DPP9: variants seen among roughly 807,000 people sequenced by gnomAD.
The protein encoded by DPP9 is dipeptidyl peptidase IV-related protein-2.
A neutral mutation model predicts 110.7 loss-of-function variants in DPP9; 50 were observed. The ratio of observed to expected loss-of-function variants is 0.45; its 90% CI spans 0.36 to 0.57. The LOEUF (loss-of-function observed/expected upper bound fraction) is 0.57, where lower values mean the gene tolerates loss of function less well. Ranked by LOEUF, DPP9 falls within the 20% of genes least tolerant of loss-of-function variation. The pLI is 0.00. For synonymous variants in DPP9, 561 were observed against 514.4 expected (o/e 1.09, Z -1.23); for missense variants, 1,022 against 1,217.9 (o/e 0.84, Z 2.39).
chr19:4,716,300 G>T (rs1186655896), intron 3 of DPP9: 1 of 152,432 alleles, frequency 6.6e-6, no homozygotes, highest in Non-Finnish European at 1.5e-5. Context: ...CTTTGAGAGG[G>T]AAGGGGAGAA....
At chr19:4,678,253 C>A (rs2089190922) in intron 21 of DPP9, among the ~76,000 whole-genome samples, 1 of 152,200 alleles carries the variant, frequency 6.6e-6, no homozygotes, top group Non-Finnish European at 1.5e-5. Context: ...GCTGGGACTA[C>A]AGGCGTGTGC....
chr19:4,699,704 T>C (rs1377685961), intron 10 of DPP9, among the ~76,000 whole-genome samples: 1 of 149,896 alleles, frequency 6.7e-6, no homozygotes, highest in Admixed American at 6.7e-5. Context: ...TCTGAGGAGG[T>C]CGGGGGGATG....
intron 3 of DPP9, among the ~76,000 whole-genome samples, chr19:4,715,072 T>G (rs2093018979): frequency 7.9e-6 from 1 of 126,906 alleles, no homozygotes; most frequent in African/African-American, 2.9e-5. Context: ...AAGGCTGGAG[T>G]GCAGTGGCGT....
In DPP9 at chr19:4,679,993, G is replaced by T. The variant is rs749539125; in HGVS notation, c.2475-47C>A. Reference sequence around the variant, plus strand: ...GTCTGAGGCCAGGGATTGTCCGTGGGGTAGGAGGGGAGCAGATCACAAGGT... The same window carrying T: ...GTCTGAGGCCAGGGATTGTCCGTGGTGTAGGAGGGGAGCAGATCACAAGGT... On this transcript the variant is annotated intron_variant, in intron 20 of 21. Coordinates refer to ENST00000262960, the MANE Select transcript of DPP9 (RefSeq NM_139159.5). 34 of 1,398,004 alleles carry T rather than the reference G, an allele frequency of 2.4e-5. No individual in the cohort carries two copies. In the East Asian group the frequency reaches 8.0e-4, roughly 33 times the overall value. 86.6% of individuals were successfully genotyped at this position (1,398,004 alleles called of 1,614,324 possible).
intron 3 of DPP9, among the ~76,000 whole-genome samples, chr19:4,716,773 A>G (rs1002979904): frequency 2.0e-5 from 3 of 152,198 alleles, no homozygotes; most frequent in African/African-American, 7.2e-5. Flanking sequence ...CTTGCTCCCA[A>G]TCAGAGCCGA....
chr19:4,718,266 G>A lies in DPP9; in HGVS notation c.56+1585C>T, dbSNP rs1273191755. 2.0e-5 allele frequency among the ~76,000 whole-genome samples: 3 copies of A among 152,126 alleles called. No individual in the cohort carries two copies. The highest frequency in any genetic ancestry group is 2.9e-5 in the Non-Finnish European group (2 of 68,028). Reference sequence around the variant, plus strand: ...GTGTCTGAGCTGGTGCTTTGGTGGCGAGCGGGGGCGGGGGAGTAGTTGGAG... The same window carrying A: ...GTGTCTGAGCTGGTGCTTTGGTGGCAAGCGGGGGCGGGGGAGTAGTTGGAG... On this transcript the variant is annotated intron_variant, in intron 3 of 21. Transcript: ENST00000262960. This position sits in a 1 kb window ranked among gnomAD's most constrained non-coding sequence, Gnocchi z 4.3.
In DPP9 at chr19:4,684,870, G is replaced by T. The variant is rs376780567; in HGVS notation, c.2032-61C>A. ...ATGCCGGGCAGGACGGGCCTGGCAGGGGAGATGCCGGTGGGCTGGGGACCG... is the reference window on the plus strand; with the variant it reads ...ATGCCGGGCAGGACGGGCCTGGCAGTGGAGATGCCGGTGGGCTGGGGACCG... On this transcript the variant is annotated intron_variant, in intron 17 of 21. Transcript: ENST00000262960. This position sits in a 1 kb window ranked among gnomAD's most constrained non-coding sequence, Gnocchi z 4.8. The T allele has an allele frequency of 1.8e-5, 28 of 1,552,780 alleles. No individual in the cohort carries two copies. The highest frequency in any genetic ancestry group is 1.5e-4 in the South Asian group (13 of 84,230).
At chr19:4,686,016 G>A (rs1263118155) in intron 16 of DPP9, 3 of 445,798 alleles carry the variant, frequency 6.7e-6, no homozygotes, top group Non-Finnish European at 1.2e-5. Context: ...GGCCTCAAGC[G>A]ATCCTCCCAC....
intron 4 of DPP9, among the ~76,000 whole-genome samples, chr19:4,713,208 TGCCTTTGGTCCCCA>T (rs2092914954): frequency 6.6e-6 from 1 of 152,210 alleles, no homozygotes. Context: ...GGAGAGACGC[TGCCTTTGGTCCCCA>T]GCCATGTGTC....
intron 1 of DPP9, 113 bp from the exon 2 acceptor site, chr19:4,722,664 G>C: frequency 1.5e-6 from 1 of 675,580 alleles, no homozygotes; most frequent in South Asian, 1.6e-5. Flanking sequence ...TACCTGGCTA[G>C]ATTCTAGCTC....
chr19:4,722,607 C>T, intron 1 of DPP9, 56 bp from the exon 2 acceptor site: 5 of 701,354 alleles, frequency 7.1e-6, no homozygotes, highest in Admixed American at 4.0e-5. Flanking sequence ...ACCGGCCAGC[C>T]GTTCAGCCTC....
At chr19:4,688,623 G>C (rs2091019588) in intron 16 of DPP9, 134 bp downstream of exon 16, 1 of 1,135,784 alleles carries the variant, frequency 8.8e-7, no homozygotes, top group Non-Finnish European at 1.2e-6. Context: ...CAGATGCTTG[G>C]AGGGGCCTGG....
In DPP9 at chr19:4,685,842, C is replaced by A; in HGVS notation, c.1886-71G>T. On this transcript the variant is annotated intron_variant, in intron 16 of 21. Transcript: ENST00000262960. The surrounding 1 kb of genome is among the most constrained non-coding windows in gnomAD (Gnocchi z 5.8). The stretch of plus-strand genomic sequence containing the variant: ...CCAGCTGACACCCTTGTTCTCCTGC[C>A]CACCCCAAGCCTTGGAGGGTGGACC... 6.4e-7 allele frequency: 1 copy of A among 1,560,184 alleles called. No individual in the cohort carries two copies. Among genetic ancestry groups the A allele is most frequent in the South Asian group, 1.2e-5 (1 of 85,784 alleles).
chr19:4,680,235 CAAAAAAA>C (rs71168922), intron 20 of DPP9, among the ~76,000 whole-genome samples: 5 of 70,872 alleles, frequency 7.1e-5, no homozygotes, highest in African/African-American at 2.5e-4. Flanking sequence ...GACAGCATCT[CAAAAAAA>C]AAAAAAAAAA....
At chr19:4,709,111 G>A (rs1031005588) in intron 4 of DPP9, among the ~76,000 whole-genome samples, 2 of 152,020 alleles carry the variant, frequency 1.3e-5, no homozygotes, top group African/African-American at 4.8e-5. Context: ...TAGAGACAGG[G>A]GTTTCACTAT....
Position 4,697,578 on chromosome 19 carries a change from C to T in DPP9, c.1148G>A (p.Arg383Lys). 1.9e-6 allele frequency: 3 copies of T among 1,613,908 alleles called. No individual in the cohort carries two copies. Among genetic ancestry groups the T allele is most frequent in the South Asian group, 2.2e-5 (2 of 91,090 alleles). The change falls in exon 11 of 22, where the codon AGG becomes AAG. Residue 383 changes from arginine (R) to lysine (K), a missense_variant. By Grantham distance (26) the Arg-to-Lys change is conservative. This residue lies in a region of DPP9 where 810 missense variants were observed against 920.6 expected (regional missense o/e 0.88). Transcript: ENST00000262960. ...SLFPKVEYIA[R>K]AGWTRDGKYA... ...TTTGCCATCCCGGGTCCACCCGGCCCTGGCGATGTACTCCACCTTCGGGAA... is the reference window on the plus strand; with the variant it reads ...TTTGCCATCCCGGGTCCACCCGGCCTTGGCGATGTACTCCACCTTCGGGAA...
Position 4,676,047 on chromosome 19 carries a change from A to G in DPP9, c.*517T>C, listed in dbSNP as rs547901519. 171 of 155,808 alleles carry G rather than the reference A, an allele frequency of 1.1e-3. No individual in the cohort carries two copies. Among genetic ancestry groups the G allele is most frequent in the Non-Finnish European group, 1.9e-3 (134 of 70,260 alleles). The allele number at this position is 155,808 out of a possible 1,614,324, so 9.7% of individuals were successfully genotyped here. A position where few individuals can be genotyped will look rare whatever the true frequency, so the allele number is the denominator to read the frequency against. ...CTCAGCCTCCCAAAGTGCTGGGATT[A>G]CAGACGTGAGCCACCGCGCCCGGCC... is the stretch of plus-strand genomic sequence containing the variant. On this transcript the variant is annotated 3_prime_UTR_variant, in exon 22 of 22. Coordinates refer to ENST00000262960, the MANE Select transcript of DPP9 (RefSeq NM_139159.5). The surrounding 1 kb of genome is among the most constrained non-coding windows in gnomAD (Gnocchi z 4.0).
intron 9 of DPP9, among the ~76,000 whole-genome samples, chr19:4,701,438 T>C (rs1005074455): frequency 6.6e-6 from 1 of 152,276 alleles, no homozygotes; most frequent in Admixed American, 6.5e-5. Flanking sequence ...ACTGTACTCC[T>C]GCCTGAGCCA....
chr19:4,690,587 A>T (rs1173884871), intron 14 of DPP9, among the ~76,000 whole-genome samples: 22 of 152,190 alleles, frequency 1.4e-4, no homozygotes, highest in Non-Finnish European at 8.8e-5. Context: ...AAGGCTTCCA[A>T]TGTTTTCCTT....
Sources: allele counts gnomAD v4.1 joint callset (sites outside exome capture counted in the v4.1 genomes callset), GRCh38; gene constraint gnomAD v4.1.1; regional missense constraint gnomAD v4.1.1; non-coding constraint Gnocchi (gnomAD v3.1); transcripts MANE v1.5; gene names NCBI Gene and HGNC (gene_info 2026-07-23, HGNC 2026-07-21).